ATP2C2: variants seen among roughly 807,000 people sequenced by gnomAD.
ATP2C2 encodes the protein calcium-transporting ATPase type 2C member 2.
A neutral mutation model predicts 110.8 loss-of-function variants in ATP2C2; 171 were observed. The observed-to-expected ratio is 1.54, with a 90% confidence interval of 1.36 to 1.75. ATP2C2 has a LOEUF of 1.75. Among genes scored for constraint, ATP2C2 ranks in the 40% most tolerant of loss-of-function variants. The pLI is 0.00. For synonymous variants in ATP2C2, 804 were observed against 508.4 expected, an observed-to-expected ratio of 1.58 and a Z score of -7.82; for missense variants, 1,963 against 1,235.0, an observed-to-expected ratio of 1.59 and a Z score of -8.84.
intron 6 of ATP2C2, among the ~76,000 whole-genome samples, chr16:84,411,628 G>C (rs150973456): frequency 0.07 from 10,604 of 152,186 alleles, 487 homozygotes; most frequent in Non-Finnish European, 0.1. Flanking sequence ...TTTTAGTAGA[G>C]GTGGGGTTTC....
At chr16:84,368,752 A>AC (rs1909778290) in intron 1 of ATP2C2, 38 bp downstream of exon 1, 4 of 1,446,290 alleles carry the variant, frequency 2.8e-6, no homozygotes, top group Non-Finnish European at 9.2e-7. Flanking sequence ...GTGCGACCCG[A>AC]CCCCCCATCC....
At chr16:84,426,325 G>A (rs934914246) in intron 11 of ATP2C2, among the ~76,000 whole-genome samples, 1 of 152,116 alleles carries the variant, frequency 6.6e-6, no homozygotes, top group Non-Finnish European at 1.5e-5. Context: ...AGGAGATGGC[G>A]CTAATCCATT....
At chr16:84,455,384 T>G (rs780732058) in intron 21 of ATP2C2, among the ~76,000 whole-genome samples, 1 of 152,104 alleles carries the variant, frequency 6.6e-6, no homozygotes, top group Non-Finnish European at 1.5e-5. Context: ...GAGAAAGGAT[T>G]AAAATGAACA....
At chr16:84,440,536 G>T (rs1455541835) in intron 13 of ATP2C2, among the ~76,000 whole-genome samples, 1 of 152,174 alleles carries the variant, frequency 6.6e-6, no homozygotes, top group African/African-American at 2.4e-5. Context: ...GGCTGCAAAG[G>T]CTAACACGTT....
chr16:84,431,871 G>A (rs1021125304), intron 11 of ATP2C2, among the ~76,000 whole-genome samples: 1 of 152,150 alleles, frequency 6.6e-6, no homozygotes, highest in African/African-American at 2.4e-5. Flanking sequence ...TGGGAGGTGG[G>A]AGCCCCAGCT....
intron 1 of ATP2C2, among the ~76,000 whole-genome samples, chr16:84,376,268 A>C (rs932861898): frequency 6.6e-6 from 1 of 152,194 alleles, no homozygotes; most frequent in African/African-American, 2.4e-5. Flanking sequence ...TGAGGCGATG[A>C]GGTTGCCATG....
At chr16:84,379,113 C>T (rs770138088) in intron 1 of ATP2C2, among the ~76,000 whole-genome samples, 1 of 150,488 alleles carries the variant, frequency 6.6e-6, no homozygotes, top group Non-Finnish European at 1.5e-5. Flanking sequence ...CACTCTCTTC[C>T]CCTCTCTTCC....
In ATP2C2 at chr16:84,398,556, C is replaced by G; in HGVS notation, c.157C>G (p.Pro53Ala). ...IEKEKKVTAL[P>A]PKEACKCQKE... is the part of the protein sequence containing the mutation. ...GAAAGAGAAGAAGGTGACAGCCCTG[C>G]CCCCCAAGGAAGCGTGCAAATGCCA... The change falls in exon 2 of 27, where the codon CCC becomes GCC. Residue 53 changes from proline to alanine, a missense_variant. Pro to Ala is a conservative substitution (Grantham distance 27). Coordinates refer to ENST00000262429, the MANE Select transcript of ATP2C2 (RefSeq NM_014861.4). 1.2e-6 allele frequency: 2 copies of G among 1,611,466 alleles called. No individual in the cohort carries two copies. Among genetic ancestry groups the G allele is most frequent in the Non-Finnish European group, 1.7e-6 (2 of 1,178,852 alleles).
At chr16:84,406,984 G>C (rs1440176126) in intron 3 of ATP2C2, among the ~76,000 whole-genome samples, 1 of 152,206 alleles carries the variant, frequency 6.6e-6, no homozygotes, top group Non-Finnish European at 1.5e-5. Context: ...CTTGAGAGCA[G>C]AGGACCTGCT....
At chr16:84,375,411 T>C (rs1337682322) in intron 1 of ATP2C2, among the ~76,000 whole-genome samples, 2 of 152,064 alleles carry the variant, frequency 1.3e-5, no homozygotes, top group Non-Finnish European at 2.9e-5. Flanking sequence ...TGTGGTGGCA[T>C]GTGCCTGTAA....
intron 13 of ATP2C2, among the ~76,000 whole-genome samples, chr16:84,440,564 G>A (rs72806623): frequency 0.19 from 29,426 of 152,158 alleles, 2,975 homozygotes; most frequent in Non-Finnish European, 0.22. Context: ...CGCTGTTCTT[G>A]GAATAGAAGC....
At chr16:84,420,718 C>G (rs11647382) in intron 7 of ATP2C2, among the ~76,000 whole-genome samples, 35,928 of 151,928 alleles carry the variant, frequency 0.24, 4,527 homozygotes, top group Non-Finnish European at 0.29. Flanking sequence ...AGGATCCTAC[C>G]TGACATTTAG....
chr16:84,378,838 G>C (rs1597729230), intron 1 of ATP2C2, among the ~76,000 whole-genome samples: 1 of 152,240 alleles, frequency 6.6e-6, no homozygotes, highest in African/African-American at 2.4e-5. Context: ...CATGAACGTG[G>C]AGCCGGGCCT....
intron 1 of ATP2C2, among the ~76,000 whole-genome samples, chr16:84,395,975 C>A (rs907662090): frequency 3.3e-5 from 5 of 152,164 alleles, no homozygotes; most frequent in African/African-American, 1.2e-4. Flanking sequence ...AGTCATTAAA[C>A]ACTAACTCCC....
chr16:84,408,472 A>T lies in ATP2C2; in HGVS notation c.395A>T (p.Glu132Val). The T allele has an allele frequency of 6.2e-7, 1 of 1,613,534 alleles. No homozygotes were observed. The highest frequency in any genetic ancestry group is 8.5e-7 in the Non-Finnish European group (1 of 1,179,958). The change falls in exon 4 of 27, where the codon GAG (glutamate) becomes GTG (valine). Residue 132 changes from glutamate to valine, a missense_variant. Glu to Val is a moderately radical substitution (Grantham distance 121, BLOSUM62 -2). Transcript: ENST00000262429. Reference protein sequence around the residue: ...ALVSVLTKEYEDAVSIATAVL... With the variant: ...ALVSVLTKEYVDAVSIATAVL... ...GTGAGTGTCCTCACCAAGGAGTATG[A>T]GGACGCCGTCAGCATCGCCACGGTG...
chr16:84,444,683 C>G (rs1201449315), intron 15 of ATP2C2, among the ~76,000 whole-genome samples: 1 of 152,204 alleles, frequency 6.6e-6, no homozygotes, highest in Non-Finnish European at 1.5e-5. Context: ...CACCTTGCTT[C>G]CGCCACCAGC....
chr16:84,444,221 G>GC (rs1567730031), intron 15 of ATP2C2, among the ~76,000 whole-genome samples: 1 of 146,448 alleles, frequency 6.8e-6, no homozygotes, highest in Non-Finnish European at 1.5e-5. Flanking sequence ...ACCTGTAATC[G>GC]CAACACTTTG....
chr16:84,390,586 A>G (rs564005637), intron 1 of ATP2C2, among the ~76,000 whole-genome samples: 1 of 152,330 alleles, frequency 6.6e-6, no homozygotes, highest in East Asian at 1.9e-4. Context: ...CGTGACGTCC[A>G]TAGAGACAGG....
intron 21 of ATP2C2, 145 bp from the exon 22 acceptor site, chr16:84,458,975 C>T: frequency 3.5e-6 from 3 of 847,054 alleles, no homozygotes; most frequent in African/African-American, 1.7e-5. Context: ...AATGTGTCCC[C>T]AAGAATGCCA....
Sources: allele counts gnomAD v4.1 joint callset (sites outside exome capture counted in the v4.1 genomes callset), GRCh38; gene constraint gnomAD v4.1.1; transcripts MANE v1.5; gene names NCBI Gene and HGNC (gene_info 2026-07-23, HGNC 2026-07-21).